Variants in RGS6 observed in about 807,000 individuals in gnomAD.
RGS6 encodes regulator of G protein signaling 6, also known as regulator of G-protein signaling 6.
In RGS6, 30 loss-of-function variants were observed where a neutral mutation model predicts 78.5. The ratio of observed to expected loss-of-function variants is 0.38; its 90% CI spans 0.29 to 0.52. The LOEUF (loss-of-function observed/expected upper bound fraction) is 0.52. RGS6 is among the 20% of genes least tolerant of loss of function. The pLI is 0.85. For missense variants in RGS6, 495 were observed against 609.7 expected (o/e 0.81, Z 1.98); for synonymous variants, 206 against 206.0 (o/e 1.00, Z 0.00).
chr14:72,609,012 T>C, the RGS6 span, among the ~76,000 whole-genome samples: 1 of 152,230 alleles, frequency 6.6e-6, no homozygotes, highest in Non-Finnish European at 1.5e-5. Context: ...TAACTATCCG[T>C]AGGGAAAATA....
chr14:72,595,948 T>G, the RGS6 span, among the ~76,000 whole-genome samples: 1 of 152,142 alleles, frequency 6.6e-6, no homozygotes, highest in Admixed American at 6.5e-5. Flanking sequence ...CTTGAGCTCT[T>G]TAAAACATTC....
chr14:72,001,922 A>G (rs1477674690), intron 2 of RGS6, among the ~76,000 whole-genome samples: 2 of 20,644 alleles, frequency 9.7e-5, no homozygotes, highest in Non-Finnish European at 1.0e-4. Flanking sequence ...TTTTTTTTTG[A>G]GACAGGGTTT....
chr14:72,322,295 C>A (rs1432627237), intron 2 of RGS6, among the ~76,000 whole-genome samples: 4 of 151,668 alleles, frequency 2.6e-5, no homozygotes, highest in Admixed American at 6.6e-5. Context: ...GTAAACAAAC[C>A]AAAATGGTTG....
chr14:71,996,657 C>G (rs1350952899), intron 2 of RGS6, among the ~76,000 whole-genome samples: 2 of 152,100 alleles, frequency 1.3e-5, no homozygotes, highest in Non-Finnish European at 2.9e-5. Flanking sequence ...ATGTCTTGTC[C>G]TAGCCCAGTG....
At chr14:72,259,908 C>CT (rs1164446010) in intron 2 of RGS6, among the ~76,000 whole-genome samples, 10 of 28,498 alleles carry the variant, frequency 3.5e-4, no homozygotes, top group African/African-American at 2.7e-3. Flanking sequence ...GAGACTCCGT[C>CT]TCAAAAAAAA....
chr14:72,090,575 A>G (rs531402984), intron 2 of RGS6, among the ~76,000 whole-genome samples: 6 of 152,318 alleles, frequency 3.9e-5, no homozygotes, highest in Admixed American at 3.9e-4. Flanking sequence ...ATTCATCCCA[A>G]AATGGTCTCT....
At chr14:72,366,033 C>T (rs2082379114) in intron 3 of RGS6, among the ~76,000 whole-genome samples, 1 of 152,122 alleles carries the variant, frequency 6.6e-6, no homozygotes, top group Non-Finnish European at 1.5e-5. Context: ...GTCTGAGTGA[C>T]CCGGGACTCC....
At chr14:72,116,760 T>A (rs2095896714) in intron 2 of RGS6, among the ~76,000 whole-genome samples, 1 of 151,796 alleles carries the variant, frequency 6.6e-6, no homozygotes, top group Non-Finnish European at 1.5e-5. Context: ...GGTTAGGAGT[T>A]CGAAACCAGC....
chr14:72,273,694 C>T (rs1417485236), intron 2 of RGS6, among the ~76,000 whole-genome samples: 1 of 152,118 alleles, frequency 6.6e-6, no homozygotes, highest in African/African-American at 2.4e-5. Flanking sequence ...TTTTTCTCCC[C>T]CAGAGCAGAC....
chr14:72,186,683 C>T (rs1244203074), intron 2 of RGS6, among the ~76,000 whole-genome samples: 1 of 152,106 alleles, frequency 6.6e-6, no homozygotes, highest in Non-Finnish European at 1.5e-5. Flanking sequence ...GCCTTAGTAC[C>T]GACCTCTATT....
the RGS6 span, among the ~76,000 whole-genome samples, chr14:71,889,149 A>G: frequency 6.6e-6 from 1 of 152,106 alleles, no homozygotes; most frequent in Non-Finnish European, 1.5e-5. Flanking sequence ...TCTGTGGTCC[A>G]GGGGAGAGGA....
intron 2 of RGS6, among the ~76,000 whole-genome samples, chr14:72,234,019 G>C (rs2050347822): frequency 6.6e-6 from 1 of 152,178 alleles, no homozygotes; most frequent in South Asian, 2.1e-4. Context: ...AACGGGCATA[G>C]TTGTGCTATG....
the RGS6 span, among the ~76,000 whole-genome samples, chr14:72,596,877 C>A: frequency 2.6e-5 from 4 of 152,176 alleles, no homozygotes; most frequent in South Asian, 2.1e-4. Context: ...TGAACTGAGA[C>A]AAGTTACTTA....
intron 2 of RGS6, among the ~76,000 whole-genome samples, chr14:72,033,283 G>A (rs2091195668): frequency 6.6e-6 from 1 of 152,138 alleles, no homozygotes; most frequent in East Asian, 1.9e-4. Context: ...ACCCAGGCTG[G>A]AATGCAGTGG....
At chr14:72,458,476 G>A in intron 5 of RGS6, 99 bp downstream of exon 5, 2 of 896,920 alleles carry the variant, frequency 2.2e-6, no homozygotes, top group Non-Finnish European at 3.5e-6. Flanking sequence ...ATCTGAGGGA[G>A]TAGCCCTCAC....
At chr14:72,174,650 C>T (rs760709732) in intron 2 of RGS6, among the ~76,000 whole-genome samples, 2 of 152,180 alleles carry the variant, frequency 1.3e-5, no homozygotes, top group Non-Finnish European at 2.9e-5. Context: ...AACTGTGATA[C>T]AAGGCCTATG....
intron 2 of RGS6, among the ~76,000 whole-genome samples, chr14:72,084,885 T>C (rs1292699944): frequency 6.6e-6 from 1 of 152,204 alleles, no homozygotes; most frequent in African/African-American, 2.4e-5. Context: ...TGTATAATCT[T>C]TAAAATATTT....
chr14:71,913,370 G>A, the RGS6 span, among the ~76,000 whole-genome samples: 9 of 152,242 alleles, frequency 5.9e-5, no homozygotes, highest in Admixed American at 5.9e-4. Flanking sequence ...CATCTTCCCT[G>A]GAAGCTGCAC....
intron 2 of RGS6, among the ~76,000 whole-genome samples, chr14:72,055,393 A>G (rs1387936638): frequency 6.6e-6 from 1 of 152,196 alleles, no homozygotes; most frequent in African/African-American, 2.4e-5. Flanking sequence ...GAAAAAAGGT[A>G]GGAAATAGAA....
Sources: allele counts gnomAD v4.1 joint callset (sites outside exome capture counted in the v4.1 genomes callset), GRCh38; gene constraint gnomAD v4.1.1; transcripts MANE v1.5; gene names NCBI Gene and HGNC (gene_info 2026-07-23, HGNC 2026-07-21).